ANGPT1: variants seen among roughly 807,000 people sequenced by gnomAD.
ANGPT1 encodes angiopoietin 1.
In ANGPT1, 17 loss-of-function variants were observed where a neutral mutation model predicts 62.2. The ratio of observed to expected loss-of-function variants is 0.27; its 90% CI spans 0.19 to 0.41. The LOEUF is 0.41. ANGPT1 is among the 10% of genes least tolerant of loss of function. ANGPT1 has a pLI of 1.00. For missense variants in ANGPT1, 478 were observed against 594.9 expected, an observed-to-expected ratio of 0.80 and a Z score of 2.04; for synonymous variants, 199 against 198.9, an observed-to-expected ratio of 1.00 and a Z score of 0.00.
intron 1 of ANGPT1, among the ~76,000 whole-genome samples, chr8:107,359,321 C>T (rs995023092): frequency 6.6e-6 from 1 of 152,144 alleles, no homozygotes; most frequent in East Asian, 1.9e-4. Context: ...AGGGTCTCTT[C>T]TCTAAGGATG....
intron 8 of ANGPT1, among the ~76,000 whole-genome samples, chr8:107,257,692 A>G (rs1165603390): frequency 6.6e-6 from 1 of 152,190 alleles, no homozygotes; most frequent in Non-Finnish European, 1.5e-5. Context: ...GATTGGTGCC[A>G]TCAATGGGAT....
chr8:107,463,172 A>C (rs1812115140), intron 1 of ANGPT1, among the ~76,000 whole-genome samples: 1 of 152,128 alleles, frequency 6.6e-6, no homozygotes, highest in African/African-American at 2.4e-5. Flanking sequence ...TGATGAAGTA[A>C]GCTGAATGTT....
intron 1 of ANGPT1, among the ~76,000 whole-genome samples, chr8:107,428,795 G>A (rs1811104194): frequency 6.6e-6 from 1 of 151,948 alleles, no homozygotes; most frequent in African/African-American, 2.4e-5. Flanking sequence ...TGACCTCTTG[G>A]CTCATTCTCT....
intron 1 of ANGPT1, among the ~76,000 whole-genome samples, chr8:107,450,524 C>A (rs1200443866): frequency 6.6e-6 from 1 of 151,776 alleles, no homozygotes; most frequent in African/African-American, 2.4e-5. Context: ...TATTTTCCTC[C>A]CCAGTTTGGA....
At chr8:107,491,883 C>T (rs1183133864) in intron 1 of ANGPT1, among the ~76,000 whole-genome samples, 1 of 152,066 alleles carries the variant, frequency 6.6e-6, no homozygotes, top group Admixed American at 6.6e-5. Flanking sequence ...AAAGAAAGCT[C>T]AATGTGAAAT....
chr8:107,308,336 G>A (rs895555113), intron 4 of ANGPT1, among the ~76,000 whole-genome samples: 2 of 152,146 alleles, frequency 1.3e-5, no homozygotes, highest in African/African-American at 4.8e-5. Flanking sequence ...CTTTAAGTAA[G>A]TCATGGTAAG....
At chr8:107,421,352 A>G (rs545844617) in intron 1 of ANGPT1, among the ~76,000 whole-genome samples, 4 of 152,276 alleles carry the variant, frequency 2.6e-5, no homozygotes, top group South Asian at 2.1e-4. Flanking sequence ...AGTCAAAAAC[A>G]TTTCTCTTCA....
chr8:107,369,415 A>T (rs1448559072), intron 1 of ANGPT1, among the ~76,000 whole-genome samples: 1 of 152,164 alleles, frequency 6.6e-6, no homozygotes, highest in East Asian at 1.9e-4. Context: ...TCATATTAGT[A>T]ATAAGCCTAT....
At chr8:107,261,716 A>G (rs1813496463) in intron 8 of ANGPT1, among the ~76,000 whole-genome samples, 1 of 151,482 alleles carries the variant, frequency 6.6e-6, no homozygotes, top group African/African-American at 2.4e-5. Flanking sequence ...AAAAAAAAAA[A>G]GAAAGAAAGA....
At position 107,416,003 on chromosome 8, in the gene ANGPT1, G is replaced by GA. The variant is rs938902447; in HGVS notation, c.298-68907dup. On this transcript the variant is annotated intron_variant, in intron 1 of 8. Transcript: ENST00000517746. ...TTATAATCATGGGATAATCTGAAGGGAAAAAAAAACCCCACAAACTCTCTT... is the reference window on the plus strand; with the variant it reads ...TTATAATCATGGGATAATCTGAAGGGAAAAAAAAAACCCCACAAACTCTCTT... 2.3e-4 allele frequency among the ~76,000 whole-genome samples: 35 copies of GA among 150,320 alleles called. No individual in the cohort carries two copies. In the East Asian group the frequency reaches 3.1e-3, roughly 13 times the overall value.
chr8:107,445,183 C>T (rs961370339), intron 1 of ANGPT1, among the ~76,000 whole-genome samples: 1 of 152,164 alleles, frequency 6.6e-6, no homozygotes, highest in Admixed American at 6.5e-5. Context: ...CAAAGAGCTT[C>T]GGGAAACATT....
intron 1 of ANGPT1, among the ~76,000 whole-genome samples, chr8:107,464,864 G>A (rs1812162403): frequency 6.6e-6 from 1 of 152,084 alleles, no homozygotes; most frequent in South Asian, 2.1e-4. Flanking sequence ...TGATGGTGGG[G>A]TGGCGGTGGA....
chr8:107,461,592 A>G (rs1563633258), intron 1 of ANGPT1, among the ~76,000 whole-genome samples: 1 of 152,150 alleles, frequency 6.6e-6, no homozygotes, highest in Non-Finnish European at 1.5e-5. Flanking sequence ...CAATAAATAC[A>G]TTAAAAATCA....
chr8:107,375,302 A>AT (rs149634076), intron 1 of ANGPT1, among the ~76,000 whole-genome samples: 6 of 152,198 alleles, frequency 3.9e-5, no homozygotes, highest in African/African-American at 1.4e-4. Context: ...GGCAGTTAGT[A>AT]TTTTTTTAAA....
intron 1 of ANGPT1, among the ~76,000 whole-genome samples, chr8:107,425,415 T>C (rs1202476039): frequency 6.6e-6 from 1 of 152,184 alleles, no homozygotes; most frequent in Non-Finnish European, 1.5e-5. Flanking sequence ...TTAGAAAGGT[T>C]ATTCCTTTAA....
At chr8:107,324,740 T>C (rs923765262) in intron 3 of ANGPT1, among the ~76,000 whole-genome samples, 4 of 152,164 alleles carry the variant, frequency 2.6e-5, no homozygotes, top group Non-Finnish European at 5.9e-5. Context: ...CTGCTAAGAC[T>C]CTACTAATTT....
At position 107,486,127 on chromosome 8, in the gene ANGPT1, A is replaced by G. The variant is rs62514484; in HGVS notation, c.297+11135T>C. ...GGCTGTGTGAAACAGAACTTGAGAA[A>G]GGGGCAACACATTTAGTATGAAAGA... On this transcript the variant is annotated intron_variant, in intron 1 of 8. Transcript: ENST00000517746. 3.3e-3 allele frequency among the ~76,000 whole-genome samples: 507 copies of G among 152,344 alleles called. 1 individual carries two copies. Among genetic ancestry groups the G allele is most frequent in the Non-Finnish European group, 5.3e-3 (364 of 68,038 alleles).
At chr8:107,313,437 T>G (rs935857146) in intron 4 of ANGPT1, among the ~76,000 whole-genome samples, 1 of 122,192 alleles carries the variant, frequency 8.2e-6, no homozygotes, top group African/African-American at 3.1e-5. Context: ...TTGTTTTTTT[T>G]TTTTTTTTTT....
intron 7 of ANGPT1, 110 bp downstream of exon 7, chr8:107,284,572 A>G: frequency 2.2e-5 from 24 of 1,075,398 alleles, no homozygotes; most frequent in Non-Finnish European, 2.9e-5. Context: ...AAAAAAAAAG[A>G]ATTTTCATTT....
Sources: gnomAD v4.1 joint callset for allele counts (sites outside exome capture counted in the v4.1 genomes callset) on GRCh38, gnomAD v4.1.1 for gene constraint, MANE v1.5 for transcripts, NCBI Gene and HGNC (gene_info 2026-07-23, HGNC 2026-07-21) for gene names.